BRF1: variants seen among roughly 807,000 people sequenced by gnomAD.
BRF1 encodes the protein BRF1 general transcription factor IIIB subunit, also known as transcription factor IIIB 90 kDa subunit.
Under a neutral mutation model 81.7 loss-of-function variants are expected in BRF1, and 59 were observed. That is an observed-to-expected ratio of 0.72 (90% confidence interval 0.59 to 0.90). BRF1 has a LOEUF of 0.90. Ranked by LOEUF, BRF1 falls within the 40% of genes least tolerant of loss-of-function variation. The pLI, the probability that BRF1 is intolerant of heterozygous loss-of-function variation, is 0.00. For missense variants in BRF1, 1,050 were observed against 936.3 expected (o/e 1.12, Z -1.58); for synonymous variants, 491 against 395.6 (o/e 1.24, Z -2.86).
At chr14:105,216,140 A>G (rs1165399812) in intron 15 of BRF1, among the ~76,000 whole-genome samples, 2 of 152,194 alleles carry the variant, frequency 1.3e-5, no homozygotes, top group Non-Finnish European at 2.9e-5. Context: ...ACAGGCATAC[A>G]CGCACTGCAT....
intron 3 of BRF1, among the ~76,000 whole-genome samples, chr14:105,257,311 G>A (rs2055927094): frequency 6.6e-6 from 1 of 152,216 alleles, no homozygotes; most frequent in Non-Finnish European, 1.5e-5. Context: ...AGCTGGATCA[G>A]GAGTCCAGAG....
chr14:105,248,556 G>GGCGGGTACGGGC (rs2055298029), intron 5 of BRF1: 5 of 828,364 alleles, frequency 6.0e-6, no homozygotes, highest in Admixed American at 1.6e-4. Context: ...CCGGCGCCGC[G>GGCGGGTACGGGC]GCGGGTACGG....
intron 5 of BRF1, among the ~76,000 whole-genome samples, chr14:105,245,064 T>G (rs587651925): frequency 2.6e-4 from 39 of 152,286 alleles, no homozygotes; most frequent in African/African-American, 9.4e-4. Context: ...TTTGTGTATT[T>G]AAGGCAGCAA....
rs149398834 is a variant in BRF1 at position 105,267,255 on chromosome 14, C to T, written c.439+5466G>A. Among the ~76,000 whole-genome samples the T allele has an allele frequency of 6.7e-3, 1,022 of 152,248 alleles. 5 individuals carry two copies. The highest frequency in any genetic ancestry group is 0.011 in the Non-Finnish European group (737 of 68,024). ...CCGACAAGGGGCCCACATGGGCCCACGCTGGGTGTGCCGGTGTTTCCAGGT... is the reference window on the plus strand; with the variant it reads ...CCGACAAGGGGCCCACATGGGCCCATGCTGGGTGTGCCGGTGTTTCCAGGT... On this transcript the variant is annotated intron_variant, in intron 3 of 17. Transcript: ENST00000547530.
At chr14:105,248,989 C>T in intron 5 of BRF1, 1 of 993,022 alleles carries the variant, frequency 1.0e-6, no homozygotes, top group Non-Finnish European at 1.2e-6. Flanking sequence ...GCCCCCGCGC[C>T]AGCGCCGCCG....
intron 7 of BRF1, chr14:105,227,436 T>C (rs1228961149): frequency 6.6e-6 from 1 of 152,374 alleles, no homozygotes; most frequent in Non-Finnish European, 1.5e-5. Flanking sequence ...AATGAATAAA[T>C]AACAATAAAA....
At position 105,286,360 on chromosome 14, in the gene BRF1, C is replaced by T. The variant is rs745425341; in HGVS notation, c.201G>A (p.Pro67=). Residue 67 remains proline, a synonymous_variant, in exon 2 of 18, where the codon CCG becomes CCA. Coordinates refer to ENST00000547530, the MANE Select transcript of BRF1 (RefSeq NM_001519.4). Reference sequence around the variant, plus strand: ...TCACGTGGAAGCCGCCACCCAGAGTCGGGGTTTTGCCAGCACCTGGAAACA... The same window carrying T: ...TCACGTGGAAGCCGCCACCCAGAGTTGGGGTTTTGCCAGCACCTGGAAACA... ...FVSLDGAGKT[P]TLGGGFHVNL... The T allele has an allele frequency of 1.1e-5, 17 of 1,613,182 alleles. No individual in the cohort carries two copies. The highest frequency in any genetic ancestry group is 5.3e-5 in the African/African-American group (4 of 74,922).
chr14:105,215,134 G>A (rs1441161793), intron 15 of BRF1, among the ~76,000 whole-genome samples: 2 of 152,200 alleles, frequency 1.3e-5, no homozygotes, highest in Admixed American at 6.5e-5. Flanking sequence ...AAAGCAGGAA[G>A]CAGTGCACGA....
intron 1 of BRF1, among the ~76,000 whole-genome samples, chr14:105,294,094 G>A (rs1312817248): frequency 6.6e-6 from 1 of 152,146 alleles, no homozygotes; most frequent in Non-Finnish European, 1.5e-5. Context: ...GATGCCAAGT[G>A]GGCACCTAGA....
chr14:105,264,091 CAG>C (rs1331434684), intron 3 of BRF1, among the ~76,000 whole-genome samples: 3 of 152,022 alleles, frequency 2.0e-5, no homozygotes, highest in Non-Finnish European at 4.4e-5. Context: ...ATAATAAAAA[CAG>C]AACCACAAAT....
In BRF1 at chr14:105,256,535, G is replaced by A. The variant is rs2055881755; in HGVS notation, c.454C>T (p.Leu152Phe). 6.2e-7 allele frequency: 1 copy of A among 1,614,028 alleles called. No homozygotes were observed. The highest frequency in any genetic ancestry group is 8.5e-7 in the Non-Finnish European group (1 of 1,179,994). Residue 152 changes from leucine (L) to phenylalanine (F), a missense_variant, in exon 4 of 18, where the codon CTC (leucine) becomes TTC (phenylalanine). Around this residue, in one of 2 missense-constraint regions of BRF1, gnomAD observed 1,043 missense variants for 915.4 expected, o/e 1.14. Coordinates refer to ENST00000547530, the MANE Select transcript of BRF1 (RefSeq NM_001519.4). ...CTGTCTACCTGGAGCAGGTCGCTGA[G>A]GTCCAGGAGCATGTCTGCAGCAGGA... Reference protein sequence around the residue: ...TEGTPHMLLDLSDLLQVNVYV... With the variant: ...TEGTPHMLLDFSDLLQVNVYV...
At chr14:105,253,884 T>C (rs1413928781) in intron 4 of BRF1, among the ~76,000 whole-genome samples, 1 of 152,230 alleles carries the variant, frequency 6.6e-6, no homozygotes, top group Non-Finnish European at 1.5e-5. Flanking sequence ...GGGGGGCGTG[T>C]CAGCACATGT....
At chr14:105,280,526 G>GT (rs1374748047) in intron 2 of BRF1, among the ~76,000 whole-genome samples, 5 of 152,190 alleles carry the variant, frequency 3.3e-5, no homozygotes, top group Admixed American at 1.3e-4. Flanking sequence ...TGGAAGCTGC[G>GT]TGATCCTGAG....
At chr14:105,294,229 C>T (rs906787866) in intron 1 of BRF1, among the ~76,000 whole-genome samples, 3 of 152,244 alleles carry the variant, frequency 2.0e-5, no homozygotes, top group African/African-American at 7.2e-5. Flanking sequence ...CGCAGCACTT[C>T]CCCCAGGACC....
rs777457835 is a variant in BRF1 at position 105,284,853 on chromosome 14, C to T, written c.265+1443G>A. Among the ~76,000 whole-genome samples, 1 of 151,976 alleles carries T rather than the reference C, an allele frequency of 6.6e-6. No individual in the cohort carries two copies. Among genetic ancestry groups the T allele is most frequent in the East Asian group, 1.9e-4 (1 of 5,196 alleles). On this transcript the variant is annotated intron_variant, in intron 2 of 17. Transcript: ENST00000547530. The surrounding 1 kb of genome is among the most constrained non-coding windows in gnomAD (Gnocchi z 4.0). Reference sequence around the variant, plus strand: ...AAGGAAAGATAACACGATCTTGTACCGAAAATCCTAAGTGATCCGCTAAAA... The same window carrying T: ...AAGGAAAGATAACACGATCTTGTACTGAAAATCCTAAGTGATCCGCTAAAA...
chr14:105,213,783 C>G lies in BRF1; in HGVS notation c.1773-1619G>C, dbSNP rs148849095. Among the ~76,000 whole-genome samples the G allele has an allele frequency of 8.5e-5, 13 of 152,294 alleles. No homozygotes were observed. The East Asian group carries it at 2.5e-3, about 29-fold the overall frequency. On this transcript the variant is annotated intron_variant, in intron 15 of 17. Transcript: ENST00000547530. ...TGGGGGGCCAGAAAGCTCCCTACTCCTGCAGAACCCGGCTGGAGAGAGGGT... is the reference window on the plus strand; with the variant it reads ...TGGGGGGCCAGAAAGCTCCCTACTCGTGCAGAACCCGGCTGGAGAGAGGGT...
chr14:105,221,956 G>A, intron 10 of BRF1, 42 bp from the exon 11 acceptor site: 1 of 1,519,168 alleles, frequency 6.6e-7, no homozygotes, highest in Non-Finnish European at 8.8e-7. Context: ...CAGAGGGCCA[G>A]GGTGCCCGCT....
chr14:105,215,023 G>A (rs1890858415), intron 15 of BRF1, among the ~76,000 whole-genome samples: 1 of 152,190 alleles, frequency 6.6e-6, no homozygotes, highest in South Asian at 2.1e-4. Context: ...GTGGGAGTGT[G>A]GGGGGTCCCC....
At chr14:105,265,769 C>T (rs1455168559) in intron 3 of BRF1, among the ~76,000 whole-genome samples, 1 of 151,972 alleles carries the variant, frequency 6.6e-6, no homozygotes, top group Non-Finnish European at 1.5e-5. Flanking sequence ...GGTGTGGTGG[C>T]GGGCACCTGT....
Sources: allele counts gnomAD v4.1 joint callset (sites outside exome capture counted in the v4.1 genomes callset), GRCh38; gene constraint gnomAD v4.1.1; regional missense constraint gnomAD v4.1.1; non-coding constraint Gnocchi (gnomAD v3.1); transcripts MANE v1.5; gene names NCBI Gene and HGNC (gene_info 2026-07-23, HGNC 2026-07-21).